The following SLC12A7 variants were observed in gnomAD, a reference collection of about 807,000 sequenced individuals.
SLC12A7 encodes the protein K-Cl cotransporter 4.
In SLC12A7, 100 loss-of-function variants were observed where a neutral mutation model predicts 120.6. That is an observed-to-expected ratio of 0.83 (90% confidence interval 0.71 to 0.98). The LOEUF (loss-of-function observed/expected upper bound fraction) is 0.98. Ranked by LOEUF, SLC12A7 falls within the 50% of genes least tolerant of loss-of-function variation. The probability of loss-of-function intolerance (pLI) is 0.00; values close to 1 mark genes in which losing one functional copy is unlikely to be tolerated. For missense variants in SLC12A7, 1,373 were observed against 1,548.1 expected (o/e 0.89, Z 1.90); for synonymous variants, 760 against 678.0 (o/e 1.12, Z -1.88).
In SLC12A7 at chr5:1,077,825, G is replaced by A. The variant is rs1400074261; in HGVS notation, c.1629+8C>T. Reference sequence around the variant, plus strand: ...CCAGGGTCCCCCCGACGAGGGTGCGGGACTCACCTGCAGGAAGGGGACGAT... The same window carrying A: ...CCAGGGTCCCCCCGACGAGGGTGCGAGACTCACCTGCAGGAAGGGGACGAT... On this transcript the variant is annotated splice_region_variant and intron_variant, in intron 12 of 23. Coordinates refer to ENST00000264930, the MANE Select transcript of SLC12A7 (RefSeq NM_006598.3). The A allele has an allele frequency of 1.3e-6, 2 of 1,576,158 alleles. No homozygotes were observed. Among genetic ancestry groups the A allele is most frequent in the African/African-American group, 1.3e-5 (1 of 74,086 alleles).
intron 8 of SLC12A7, among the ~76,000 whole-genome samples, chr5:1,082,584 C>G (rs1439842962): frequency 2.5e-5 from 3 of 122,436 alleles, no homozygotes; most frequent in African/African-American, 9.8e-5. Context: ...CGGGCTTCCT[C>G]TCTAGGGTTC....
At chr5:1,106,849 C>G (rs980996019) in intron 1 of SLC12A7, among the ~76,000 whole-genome samples, 2 of 152,210 alleles carry the variant, frequency 1.3e-5, no homozygotes, top group Non-Finnish European at 2.9e-5. Flanking sequence ...CCACAGGATC[C>G]TTACACTAAA....
chr5:1,059,273 C>T (rs905995298), intron 21 of SLC12A7, among the ~76,000 whole-genome samples: 6 of 152,192 alleles, frequency 3.9e-5, no homozygotes, highest in African/African-American at 1.4e-4. Flanking sequence ...AGGACCGCAG[C>T]TCCACACGCC....
At chr5:1,100,677 G>A (rs1294334782) in intron 1 of SLC12A7, among the ~76,000 whole-genome samples, 2 of 152,192 alleles carry the variant, frequency 1.3e-5, no homozygotes, top group Non-Finnish European at 2.9e-5. Context: ...TGTCCTCTGG[G>A]GTCTTCCTCC....
chr5:1,108,085 C>T (rs1742673491), intron 1 of SLC12A7, among the ~76,000 whole-genome samples: 1 of 152,120 alleles, frequency 6.6e-6, no homozygotes, highest in Non-Finnish European at 1.5e-5. Context: ...GCACAGTACA[C>T]ATGTATGCAC....
At chr5:1,107,233 T>C (rs1263646763) in intron 1 of SLC12A7, among the ~76,000 whole-genome samples, 1 of 152,220 alleles carries the variant, frequency 6.6e-6, no homozygotes, top group Non-Finnish European at 1.5e-5. Context: ...GAGTTCCCCG[T>C]GGTTCTGTGT....
chr5:1,099,879 C>G (rs767053413), intron 1 of SLC12A7, among the ~76,000 whole-genome samples: 1 of 151,462 alleles, frequency 6.6e-6, no homozygotes, highest in Non-Finnish European at 1.5e-5. Context: ...GGCGGGTGTA[C>G]GGGGCAGGAG....
intron 2 of SLC12A7, 44 bp from the exon 3 acceptor site, chr5:1,093,699 T>A: frequency 6.2e-7 from 1 of 1,605,458 alleles, no homozygotes; most frequent in Non-Finnish European, 8.5e-7. Context: ...CACCTCGCCG[T>A]GGGCCCCCCG....
the SLC12A7 span, among the ~76,000 whole-genome samples, chr5:1,147,069 C>T: frequency 1.3e-5 from 2 of 152,328 alleles, no homozygotes; most frequent in South Asian, 4.2e-4. Context: ...CAGCCTCCAT[C>T]CATGTGGCAG....
Position 1,086,902 on chromosome 5 carries a change from C to A in SLC12A7, c.675+1G>T, listed in dbSNP as rs1481450454. 6 of 1,612,510 alleles carry A rather than the reference C, an allele frequency of 3.7e-6. No individual in the cohort carries two copies. The highest frequency in any genetic ancestry group is 5.1e-6 in the Non-Finnish European group (6 of 1,179,668). ...GAACCCTTCCAAAGCAGCACACTTA[C>A]CAGAAAAATCTCGATGGTCCCCAAA... On this transcript the variant is annotated splice_donor_variant, in intron 6 of 23. Coordinates refer to ENST00000264930, the MANE Select transcript of SLC12A7 (RefSeq NM_006598.3). LOFTEE classifies it high-confidence loss of function.
chr5:1,135,601 C>T, the SLC12A7 span, among the ~76,000 whole-genome samples: 19 of 152,294 alleles, frequency 1.2e-4, no homozygotes, highest in African/African-American at 3.8e-4. Flanking sequence ...AAGTCTAGGG[C>T]GGTGCTTACC....
intron 9 of SLC12A7, among the ~76,000 whole-genome samples, chr5:1,080,122 G>A (rs547977870): frequency 7.4e-5 from 11 of 149,190 alleles, no homozygotes; most frequent in South Asian, 4.2e-4. Context: ...CCAGTGCCGC[G>A]GAGACACCCG....
At chr5:1,137,140 C>T in the SLC12A7 span, among the ~76,000 whole-genome samples, 2 of 152,186 alleles carry the variant, frequency 1.3e-5, no homozygotes, top group Admixed American at 6.5e-5. Flanking sequence ...ACAGTGAGGC[C>T]GCTGCAGTCC....
At chr5:1,154,720 C>G in the SLC12A7 span, among the ~76,000 whole-genome samples, 1 of 152,214 alleles carries the variant, frequency 6.6e-6, no homozygotes, top group Non-Finnish European at 1.5e-5. Context: ...CGGACACGCA[C>G]GGCCCCCACA....
In SLC12A7 at chr5:1,086,109, C is replaced by T. The variant is rs567259495; in HGVS notation, c.676-636G>A. Among the ~76,000 whole-genome samples, 26 of 152,276 alleles carry T rather than the reference C, an allele frequency of 1.7e-4. 1 individual carries two copies. The South Asian group carries it at 5.4e-3, about 32-fold the overall frequency. The stretch of plus-strand genomic sequence containing the variant: ...AGTGCGGCAGCCACGGCACCCGGGG[C>T]AGGTGGAAAGATGGAGGGACATGGC... On this transcript the variant is annotated intron_variant, in intron 6 of 23. Transcript: ENST00000264930.
Position 1,085,620 on chromosome 5 carries a change from G to A in SLC12A7, c.676-147C>T, listed in dbSNP as rs368072494. The A allele has an allele frequency of 4.4e-4, 529 of 1,204,512 alleles. 5 individuals carry two copies. In the East Asian group the frequency reaches 0.012, roughly 28 times the overall value. 74.6% of individuals were successfully genotyped at this position (1,204,512 alleles called of 1,614,324 possible). ...CGCATCCGTGCTGGACGGAGCCCGCGGGGGTCAGCGCACAGGCAAGGGACG... is the reference window on the plus strand; with the variant it reads ...CGCATCCGTGCTGGACGGAGCCCGCAGGGGTCAGCGCACAGGCAAGGGACG... On this transcript the variant is annotated intron_variant, in intron 6 of 23. Coordinates refer to ENST00000264930, the MANE Select transcript of SLC12A7 (RefSeq NM_006598.3).
rs1214657401 is a variant in SLC12A7 at position 1,086,919 on chromosome 5, G to T, written c.659C>A (p.Thr220Asn). ...CACACTTACCAGAAAAATCTCGATG[G>T]TCCCCAAAATATACATGGCCCCTGC... is the stretch of plus-strand genomic sequence containing the variant. ...TFAGAMYILGTIEIFLTYISP... is the reference protein window; with the variant it reads ...TFAGAMYILGNIEIFLTYISP... Residue 220 changes from threonine to asparagine, a missense_variant, in exon 6 of 24, where the codon ACC becomes AAC. Transcript: ENST00000264930. 1.2e-6 allele frequency: 2 copies of T among 1,612,764 alleles called. No individual in the cohort carries two copies. The highest frequency in any genetic ancestry group is 2.2e-5 in the East Asian group (1 of 44,878).
chr5:1,133,692 G>A, the SLC12A7 span, among the ~76,000 whole-genome samples: 4 of 152,120 alleles, frequency 2.6e-5, no homozygotes, highest in African/African-American at 7.2e-5. Context: ...TGCGCCCCTC[G>A]GTGAGAACTT....
At chr5:1,132,208 T>C in the SLC12A7 span, among the ~76,000 whole-genome samples, 1 of 152,066 alleles carries the variant, frequency 6.6e-6, no homozygotes, top group Non-Finnish European at 1.5e-5. Context: ...TAAGAGACAC[T>C]CCTACCAGCA....
Sources: allele counts gnomAD v4.1 joint callset (sites outside exome capture counted in the v4.1 genomes callset), GRCh38; gene constraint gnomAD v4.1.1; transcripts MANE v1.5; gene names NCBI Gene and HGNC (gene_info 2026-07-23, HGNC 2026-07-21).